HMGCLL1: variants seen among roughly 807,000 people sequenced by gnomAD.
HMGCLL1 encodes the protein 3-hydroxy-3-methylglutaryl-CoA lyase like 1.
Under a neutral mutation model 39.1 loss-of-function variants are expected in HMGCLL1, and 36 were observed. That is an observed-to-expected ratio of 0.92 (90% confidence interval 0.71 to 1.22). The LOEUF is 1.22. Among genes scored for constraint, HMGCLL1 ranks in the 50% most tolerant of loss-of-function variants. The pLI is 0.00. For missense variants in HMGCLL1, 451 were observed against 416.5 expected, an observed-to-expected ratio of 1.08 and a Z score of -0.72; for synonymous variants, 149 against 144.0, an observed-to-expected ratio of 1.03 and a Z score of -0.25.
chr6:55,558,396 G>A (rs1340198470), intron 1 of HMGCLL1, among the ~76,000 whole-genome samples: 2 of 152,100 alleles, frequency 1.3e-5, no homozygotes, highest in East Asian at 3.9e-4. Flanking sequence ...TGTTTTCAGA[G>A]GGTAATTAAT....
At chr6:55,504,987 A>G (rs1767078775) in intron 5 of HMGCLL1, among the ~76,000 whole-genome samples, 1 of 151,688 alleles carries the variant, frequency 6.6e-6, no homozygotes. Flanking sequence ...CCATATTGAA[A>G]CGAATCTTGC....
chr6:55,589,710 G>C, the HMGCLL1 span, among the ~76,000 whole-genome samples: 3 of 152,044 alleles, frequency 2.0e-5, no homozygotes, highest in African/African-American at 7.2e-5. Context: ...AAAGTCTCAG[G>C]ATACAAAATC....
At chr6:55,481,943 G>C (rs1765771312) in intron 7 of HMGCLL1, among the ~76,000 whole-genome samples, 1 of 151,904 alleles carries the variant, frequency 6.6e-6, no homozygotes, top group African/African-American at 2.4e-5. Flanking sequence ...CTCAAGAGAG[G>C]CTCCTCCTTC....
the HMGCLL1 span, among the ~76,000 whole-genome samples, chr6:55,607,957 C>A: frequency 2.7e-4 from 41 of 152,224 alleles, 1 homozygote; most frequent in East Asian, 7.5e-3. Flanking sequence ...CCCTTTGATT[C>A]TTCTCTCATT....
the HMGCLL1 span, among the ~76,000 whole-genome samples, chr6:55,624,736 T>C: frequency 6.6e-6 from 1 of 152,062 alleles, no homozygotes; most frequent in South Asian, 2.1e-4. Context: ...TTTCTAGGGG[T>C]CCAGTGGTGT....
intron 5 of HMGCLL1, among the ~76,000 whole-genome samples, chr6:55,499,804 T>C (rs909233018): frequency 2.0e-5 from 3 of 151,958 alleles, no homozygotes; most frequent in African/African-American, 7.2e-5. Flanking sequence ...TCAGAGTTCA[T>C]TTTTTCTCTC....
chr6:55,625,413 G>A, the HMGCLL1 span, among the ~76,000 whole-genome samples: 1 of 152,056 alleles, frequency 6.6e-6, no homozygotes, highest in Admixed American at 6.6e-5. Flanking sequence ...CTCCACTTTT[G>A]CCACCCTGCC....
chr6:55,622,875 G>A, the HMGCLL1 span, among the ~76,000 whole-genome samples: 1 of 152,002 alleles, frequency 6.6e-6, no homozygotes, highest in Admixed American at 6.6e-5. Context: ...ATTCAGCAGT[G>A]AAGGCATTGG....
upstream of HMGCLL1, among the ~76,000 whole-genome samples, chr6:55,582,596 C>G (rs1046549140): frequency 5.3e-5 from 8 of 152,110 alleles, no homozygotes; most frequent in Non-Finnish European, 1.2e-4. Context: ...TCAGCAATAT[C>G]AAATTATACA....
the HMGCLL1 span, among the ~76,000 whole-genome samples, chr6:55,670,505 A>G: frequency 2.0e-5 from 3 of 151,982 alleles, no homozygotes; most frequent in South Asian, 4.1e-4. Context: ...AGCAAAGAAC[A>G]TAACATTGTT....
chr6:55,493,503 A>C (rs1010666498), intron 7 of HMGCLL1, among the ~76,000 whole-genome samples: 1 of 152,216 alleles, frequency 6.6e-6, no homozygotes, highest in African/African-American at 2.4e-5. Flanking sequence ...CTCAGAAAAT[A>C]GAGACAATGC....
At chr6:55,658,421 A>G in the HMGCLL1 span, among the ~76,000 whole-genome samples, 20 of 151,822 alleles carry the variant, frequency 1.3e-4, no homozygotes, top group African/African-American at 4.8e-4. Flanking sequence ...TCCACCCCCA[A>G]CCCAGTGCAA....
chr6:55,441,701 GT>G (rs112814986), intron 7 of HMGCLL1, among the ~76,000 whole-genome samples: 6,306 of 151,728 alleles, frequency 0.042, 424 homozygotes, highest in African/African-American at 0.14. Context: ...GTTTTATTTT[GT>G]TTTTTTGAGA....
chr6:55,511,273 A>G (rs1051052027), intron 5 of HMGCLL1, among the ~76,000 whole-genome samples: 3 of 152,134 alleles, frequency 2.0e-5, no homozygotes, highest in Admixed American at 6.6e-5. Flanking sequence ...GCATTCGCAT[A>G]TAACCAGTAG....
At chr6:55,461,588 A>G (rs1310683870) in intron 7 of HMGCLL1, among the ~76,000 whole-genome samples, 3 of 152,114 alleles carry the variant, frequency 2.0e-5, no homozygotes, top group Non-Finnish European at 4.4e-5. Context: ...TAGTAAATGT[A>G]CCGGCTATAA....
intron 7 of HMGCLL1, among the ~76,000 whole-genome samples, chr6:55,465,384 G>A (rs1764753801): frequency 6.6e-6 from 1 of 151,948 alleles, no homozygotes; most frequent in Non-Finnish European, 1.5e-5. Flanking sequence ...GAAAATCAAA[G>A]AGAATACATA....
intron 1 of HMGCLL1, among the ~76,000 whole-genome samples, chr6:55,571,387 CT>C (rs1771484013): frequency 6.6e-6 from 1 of 151,958 alleles, no homozygotes; most frequent in Admixed American, 6.6e-5. Context: ...ATATTTTGCT[CT>C]AAACAATAGT....
intron 1 of HMGCLL1, among the ~76,000 whole-genome samples, chr6:55,542,505 C>T (rs1172342065): frequency 6.6e-6 from 1 of 151,918 alleles, no homozygotes; most frequent in African/African-American, 2.4e-5. Context: ...CTTGACCAGG[C>T]ACAGTGGCTC....
At chr6:55,523,545 T>A (rs1041382198) in intron 3 of HMGCLL1, among the ~76,000 whole-genome samples, 13 of 151,980 alleles carry the variant, frequency 8.6e-5, no homozygotes, top group Admixed American at 7.9e-4. Context: ...TATTTTTTTA[T>A]GTACAAATCC....
Sources: allele counts gnomAD v4.1 joint callset (sites outside exome capture counted in the v4.1 genomes callset), GRCh38; gene constraint gnomAD v4.1.1; transcripts MANE v1.5; gene names NCBI Gene and HGNC (gene_info 2026-07-23, HGNC 2026-07-21).